PXDNL: variants seen among roughly 807,000 people sequenced by gnomAD.
The protein encoded by PXDNL is peroxidasin like.
Under a neutral mutation model 150.8 loss-of-function variants are expected in PXDNL, and 145 were observed. That is an observed-to-expected ratio of 0.96 (90% CI 0.84 to 1.10). The LOEUF (loss-of-function observed/expected upper bound fraction) is 1.10, where lower values mean the gene tolerates loss of function less well. PXDNL is among the 50% of genes least tolerant of loss of function. The probability of loss-of-function intolerance (pLI) is 0.00; values close to 1 mark genes in which losing one functional copy is unlikely to be tolerated. For missense variants in PXDNL, 2,087 were observed against 1,873.9 expected (o/e 1.11, Z -2.10); for synonymous variants, 757 against 725.7 (o/e 1.04, Z -0.69).
chr8:51,796,994 T>C (rs2037568583), intron 1 of PXDNL, among the ~76,000 whole-genome samples: 1 of 152,158 alleles, frequency 6.6e-6, no homozygotes, highest in African/African-American at 2.4e-5. Context: ...GTTGGCATCA[T>C]CCCCAGGATG....
intron 5 of PXDNL, among the ~76,000 whole-genome samples, chr8:51,487,008 T>G (rs979644735): frequency 6.6e-6 from 1 of 151,526 alleles, no homozygotes; most frequent in Non-Finnish European, 1.5e-5. Context: ...TTGGCCAGAA[T>G]GGCCTCCATC....
At chr8:51,776,100 G>A (rs977896599) in intron 1 of PXDNL, among the ~76,000 whole-genome samples, 7 of 152,060 alleles carry the variant, frequency 4.6e-5, no homozygotes, top group Middle Eastern at 3.2e-3. Flanking sequence ...AGAAATTCCC[G>A]CCTAATAAAT....
chr8:51,785,650 C>T lies in PXDNL; in HGVS notation c.164+23531G>A, dbSNP rs535390433. On this transcript the variant is annotated intron_variant, in intron 1 of 22. Coordinates refer to ENST00000356297, the MANE Select transcript of PXDNL (RefSeq NM_144651.5). ...ATCATTGTAATTGTTTGGGGGACCA[C>T]GAACCACAGCCACACAAAATGGTGT... Among the ~76,000 whole-genome samples the T allele has an allele frequency of 7.2e-5, 11 of 152,288 alleles. No homozygotes were observed. In the East Asian group the frequency reaches 1.9e-3, roughly 27 times the overall value.
intron 3 of PXDNL, among the ~76,000 whole-genome samples, chr8:51,578,046 G>A (rs1470044452): frequency 1.4e-4 from 17 of 122,986 alleles, no homozygotes; most frequent in African/African-American, 6.5e-4. Context: ...AGGAAGGAAG[G>A]AAGGAAAGAA....
chr8:51,361,954 A>T (rs199878556), intron 19 of PXDNL, among the ~76,000 whole-genome samples: 30 of 148,068 alleles, frequency 2.0e-4, no homozygotes, highest in Admixed American at 6.7e-5. Flanking sequence ...AAAAAAAAAA[A>T]AAAAAAAAAA....
At chr8:51,391,228 A>AC (rs1807897394) in intron 17 of PXDNL, among the ~76,000 whole-genome samples, 1 of 152,174 alleles carries the variant, frequency 6.6e-6, no homozygotes. Flanking sequence ...TTATAGCAGC[A>AC]TGATTTATAG....
chr8:51,638,153 G>C (rs1814648865), intron 2 of PXDNL, among the ~76,000 whole-genome samples: 1 of 152,174 alleles, frequency 6.6e-6, no homozygotes, highest in South Asian at 2.1e-4. Context: ...CAAATGCTGA[G>C]AGATTTTGTC....
At chr8:51,631,249 A>T (rs1291763893) in intron 2 of PXDNL, among the ~76,000 whole-genome samples, 2 of 152,086 alleles carry the variant, frequency 1.3e-5, no homozygotes, top group Non-Finnish European at 2.9e-5. Flanking sequence ...ATGGACACAA[A>T]GAAGAGAACA....
At chr8:51,733,619 C>T (rs946180079) in intron 1 of PXDNL, among the ~76,000 whole-genome samples, 33 of 151,862 alleles carry the variant, frequency 2.2e-4, no homozygotes, top group African/African-American at 7.7e-4. Flanking sequence ...ACCAGCCTGG[C>T]CAACATGGCG....
intron 2 of PXDNL, among the ~76,000 whole-genome samples, chr8:51,624,261 T>C (rs1814320115): frequency 6.6e-6 from 1 of 152,084 alleles, no homozygotes; most frequent in South Asian, 2.1e-4. Context: ...CCGGTGGTAT[T>C]TACCTCTCTA....
At chr8:51,490,280 A>C (rs1810860554) in intron 5 of PXDNL, among the ~76,000 whole-genome samples, 1 of 152,182 alleles carries the variant, frequency 6.6e-6, no homozygotes, top group Admixed American at 6.5e-5. Flanking sequence ...GAAAGAAATA[A>C]AATCTGAGCA....
intron 7 of PXDNL, among the ~76,000 whole-genome samples, chr8:51,474,718 C>A (rs1162607091): frequency 6.6e-6 from 1 of 152,150 alleles, no homozygotes; most frequent in African/African-American, 2.4e-5. Context: ...CTCAATATTT[C>A]TCCTCTGAAA....
At chr8:51,686,947 C>T (rs1585674249) in intron 1 of PXDNL, among the ~76,000 whole-genome samples, 1 of 151,894 alleles carries the variant, frequency 6.6e-6, no homozygotes, top group African/African-American at 2.4e-5. Flanking sequence ...TCAAAAACTC[C>T]AGTAGAAACT....
intron 1 of PXDNL, among the ~76,000 whole-genome samples, chr8:51,669,640 A>G (rs2130826695): frequency 6.6e-6 from 1 of 152,228 alleles, no homozygotes; most frequent in South Asian, 2.1e-4. Flanking sequence ...CACAACACAC[A>G]CTCCAAAAGT....
chr8:51,804,316 C>T (rs1335048960), intron 1 of PXDNL, among the ~76,000 whole-genome samples: 2 of 152,178 alleles, frequency 1.3e-5, no homozygotes, highest in Non-Finnish European at 2.9e-5. Flanking sequence ...AGAGGGGTGA[C>T]TTTGAGTAGA....
intron 4 of PXDNL, among the ~76,000 whole-genome samples, chr8:51,504,147 C>G (rs552409388): frequency 6.6e-6 from 1 of 152,254 alleles, no homozygotes; most frequent in East Asian, 1.9e-4. Context: ...TCTCCTCTTA[C>G]CCACTACTTC....
At chr8:51,378,245 A>C (rs3097701) in intron 17 of PXDNL, among the ~76,000 whole-genome samples, 105,639 of 148,048 alleles carry the variant, frequency 0.71, 39,883 homozygotes, top group East Asian at 0.94. Context: ...GACTTGGAGA[A>C]CCTTTATGTC....
chr8:51,382,408 T>C (rs1290317317), intron 17 of PXDNL, among the ~76,000 whole-genome samples: 1 of 152,226 alleles, frequency 6.6e-6, no homozygotes, highest in African/African-American at 2.4e-5. Flanking sequence ...GTGTGTGGTC[T>C]GTTGTTACAA....
At chr8:51,613,208 A>C (rs1405406673) in intron 2 of PXDNL, among the ~76,000 whole-genome samples, 1 of 152,084 alleles carries the variant, frequency 6.6e-6, no homozygotes, top group African/African-American at 2.4e-5. Context: ...TCACCAAAAA[A>C]AATATATATA....
Sources: gnomAD v4.1 joint callset for allele counts (sites outside exome capture counted in the v4.1 genomes callset) on GRCh38, gnomAD v4.1.1 for gene constraint, MANE v1.5 for transcripts, NCBI Gene and HGNC (gene_info 2026-07-23, HGNC 2026-07-21) for gene names.